SNX29: variants seen among roughly 807,000 people sequenced by gnomAD.
The protein encoded by SNX29 is sorting nexin 29.
A neutral mutation model predicts 102.1 loss-of-function variants in SNX29; 78 were observed. The observed-to-expected ratio is 0.76, with a 90% CI of 0.64 to 0.92. The LOEUF is 0.92. Ranked by LOEUF, SNX29 falls within the 40% of genes least tolerant of loss-of-function variation. The pLI is 0.00. For missense variants in SNX29, 1,280 were observed against 1,061.7 expected (o/e 1.21, Z -2.86); for synonymous variants, 580 against 414.5 (o/e 1.40, Z -4.85).
At chr16:12,086,298 C>T (rs1036781634) in intron 11 of SNX29, among the ~76,000 whole-genome samples, 1 of 152,168 alleles carries the variant, frequency 6.6e-6, no homozygotes, top group African/African-American at 2.4e-5. Context: ...GCCACCGCGC[C>T]TGGCCACGCT....
chr16:12,091,014 C>CAAAAAAAAAAAAAAAAA (rs58933500), intron 11 of SNX29, among the ~76,000 whole-genome samples: 48 of 53,394 alleles, frequency 9.0e-4, no homozygotes, highest in African/African-American at 1.9e-3. Context: ...GACTTCATCT[C>CAAAAAAAAAAAAAAAAA]AAAAAAAAAA....
intron 4 of SNX29, among the ~76,000 whole-genome samples, chr16:12,038,233 A>T (rs2057529735): frequency 2.0e-5 from 3 of 152,212 alleles, no homozygotes; most frequent in African/African-American, 7.2e-5. Context: ...AAAGTAGAGG[A>T]CAAAATAAGT....
intron 14 of SNX29, among the ~76,000 whole-genome samples, chr16:12,232,353 C>A (rs1481406728): frequency 6.6e-6 from 1 of 152,110 alleles, no homozygotes; most frequent in African/African-American, 2.4e-5. Flanking sequence ...GTGGTGAAAC[C>A]CCGTCTCTAC....
chr16:12,541,381 C>T (rs948667269), intron 20 of SNX29, among the ~76,000 whole-genome samples: 6 of 152,106 alleles, frequency 3.9e-5, no homozygotes, highest in Admixed American at 1.3e-4. Flanking sequence ...GGGCAGTTAC[C>T]ATGTGCAGGC....
intron 20 of SNX29, among the ~76,000 whole-genome samples, chr16:12,561,753 T>C (rs1046362869): frequency 2.6e-5 from 4 of 152,180 alleles, no homozygotes; most frequent in South Asian, 2.1e-4. Context: ...ATGGAGTTTC[T>C]GAAATGAACA....
intron 4 of SNX29, among the ~76,000 whole-genome samples, chr16:12,040,671 G>A (rs1293925903): frequency 6.6e-6 from 1 of 152,150 alleles, no homozygotes. Flanking sequence ...TAGTAGTAGG[G>A]AAATAGTTAT....
intron 13 of SNX29, among the ~76,000 whole-genome samples, chr16:12,161,159 A>G (rs1212448524): frequency 6.6e-6 from 1 of 152,212 alleles, no homozygotes; most frequent in East Asian, 1.9e-4. Context: ...TGCGGTTGAT[A>G]ATACTATCTC....
intron 14 of SNX29, among the ~76,000 whole-genome samples, chr16:12,251,251 G>C (rs1281932915): frequency 6.6e-6 from 1 of 152,230 alleles, no homozygotes; most frequent in Non-Finnish European, 1.5e-5. Flanking sequence ...GCTTTTCTCA[G>C]CTTTAAATGA....
intron 18 of SNX29, among the ~76,000 whole-genome samples, chr16:12,461,620 C>T (rs1021969924): frequency 2.0e-5 from 3 of 151,980 alleles, no homozygotes; most frequent in South Asian, 2.1e-4. Context: ...TGAAGCATCG[C>T]GTCTTCCAAG....
chr16:12,230,377 C>G (rs186188408), intron 14 of SNX29, among the ~76,000 whole-genome samples: 1 of 152,306 alleles, frequency 6.6e-6, no homozygotes, highest in East Asian at 1.9e-4. Flanking sequence ...TCATTAGCAA[C>G]CCATCTGCTG....
intron 14 of SNX29, among the ~76,000 whole-genome samples, 184 bp from the exon 15 acceptor site, chr16:12,277,749 G>C (rs565720202): frequency 6.6e-6 from 1 of 152,158 alleles, no homozygotes; most frequent in South Asian, 2.1e-4. Context: ...CTTGTCACTC[G>C]TTTTATTGTA....
At chr16:12,476,419 T>TATATATATATATATATATATATAC in intron 18 of SNX29, among the ~76,000 whole-genome samples, 1 of 41,202 alleles carries the variant, frequency 2.4e-5, no homozygotes, top group African/African-American at 8.9e-5. Context: ...TATACATATA[T>TATATATATATATATATATATATAC]ATATATATAT....
intron 20 of SNX29, among the ~76,000 whole-genome samples, chr16:12,525,392 G>C (rs907307159): frequency 6.6e-6 from 1 of 152,108 alleles, no homozygotes; most frequent in African/African-American, 2.4e-5. Context: ...TACACTTCAG[G>C]CTGGGCACGG....
intron 15 of SNX29, among the ~76,000 whole-genome samples, chr16:12,305,683 A>G (rs1019604989): frequency 6.6e-6 from 1 of 152,166 alleles, no homozygotes; most frequent in African/African-American, 2.4e-5. Flanking sequence ...ACCTCCTTAA[A>G]TTTTGCACCT....
At chr16:12,138,195 A>G (rs1210312253) in intron 13 of SNX29, among the ~76,000 whole-genome samples, 1 of 149,356 alleles carries the variant, frequency 6.7e-6, no homozygotes, top group African/African-American at 2.5e-5. Context: ...AAAAAAAAAG[A>G]ATTTGTCACT....
intron 14 of SNX29, among the ~76,000 whole-genome samples, chr16:12,211,848 C>G (rs1361423944): frequency 2.6e-5 from 4 of 152,144 alleles, no homozygotes; most frequent in African/African-American, 9.7e-5. Flanking sequence ...ATGTGCTTTA[C>G]TGATTAAACT....
intron 20 of SNX29, among the ~76,000 whole-genome samples, chr16:12,539,539 G>A (rs767638922): frequency 1.7e-4 from 26 of 152,338 alleles, no homozygotes; most frequent in Admixed American, 8.5e-4. Context: ...AATAGAGCTA[G>A]TGGAAACATT....
chr16:12,526,531 C>G (rs947781714), intron 20 of SNX29: 2 of 516,676 alleles, frequency 3.9e-6, no homozygotes, highest in African/African-American at 3.8e-5. Context: ...TTCTTTTCTT[C>G]TTTTATTTGT....
At chr16:12,512,176 G>C (rs1413834121) in intron 19 of SNX29, among the ~76,000 whole-genome samples, 1 of 151,130 alleles carries the variant, frequency 6.6e-6, no homozygotes, top group Non-Finnish European at 1.5e-5. Context: ...ATTTGCATTG[G>C]CCCCTAAGAT....
Sources: gnomAD v4.1 joint callset for allele counts (sites outside exome capture counted in the v4.1 genomes callset) on GRCh38, gnomAD v4.1.1 for gene constraint, MANE v1.5 for transcripts, NCBI Gene and HGNC (gene_info 2026-07-23, HGNC 2026-07-21) for gene names.